MUC7: variants seen among roughly 807,000 people sequenced by gnomAD.
MUC7 encodes the protein mucin-7.
In MUC7, 2 loss-of-function variants were observed where a neutral mutation model predicts 2.5. The observed-to-expected ratio is 0.81, with a 90% CI of 0.33 to 2.55. The LOEUF (loss-of-function observed/expected upper bound fraction) is 2.55, where lower values mean the gene tolerates loss of function less well. Among genes scored for constraint, MUC7 ranks in the 30% most tolerant of loss-of-function variants. The pLI is 0.11. For synonymous variants in MUC7, 133 were observed against 173.4 expected, an observed-to-expected ratio of 0.77 and a Z score of 1.83; for missense variants, 408 against 455.6, an observed-to-expected ratio of 0.90 and a Z score of 0.95.
intron 1 of MUC7, among the ~76,000 whole-genome samples, chr4:70,456,580 AC>A (rs1164400727): frequency 6.6e-6 from 1 of 152,094 alleles, no homozygotes; most frequent in African/African-American, 2.4e-5. Flanking sequence ...ACTGCCACAC[AC>A]TTTTAAACCA....
In MUC7 at chr4:70,482,113, T is replaced by G; in HGVS notation, c.*235T>G. The stretch of plus-strand genomic sequence containing the variant: ...GGGTTCAAAATAACTCTTTGGATCC[T>G]ACAGAGATAGCCTACTGAGGGCAAA... On this transcript the variant is annotated 3_prime_UTR_variant, in exon 3 of 3. Transcript: ENST00000304887. 1.2e-5 allele frequency: 6 copies of G among 518,440 alleles called. No homozygotes were observed. Among genetic ancestry groups the G allele is most frequent in the Admixed American group, 3.5e-5 (1 of 28,982 alleles). 32.1% of individuals were successfully genotyped at this position (518,440 alleles called of 1,614,324 possible). A position where few individuals can be genotyped will look rare whatever the true frequency, so the allele number is the denominator to read the frequency against.
rs766095827 is a variant in MUC7 at position 70,481,758 on chromosome 4, T to C, written c.1014T>C (p.Thr338=). ...CACACCAGACTACTACTTCGGTCAC[T>C]ACTCAAACTACTACTACTAAACAAC... The part of the protein sequence containing the change: ...APTHQTTTSV[T]TQTTTTKQPT... Residue 338 remains threonine, a synonymous_variant, in exon 3 of 3, where the codon ACT becomes ACC. Transcript: ENST00000304887. 2.5e-6 allele frequency: 4 copies of C among 1,614,120 alleles called. No individual in the cohort carries two copies. Among genetic ancestry groups the C allele is most frequent in the Non-Finnish European group, 2.5e-6 (3 of 1,180,046 alleles).
At chr4:70,461,938 A>G (rs770360628) in intron 1 of MUC7, among the ~76,000 whole-genome samples, 14 of 152,380 alleles carry the variant, frequency 9.2e-5, no homozygotes, top group Non-Finnish European at 1.2e-4. Flanking sequence ...TGGGCCGACC[A>G]TAGTGGCCCA....
At chr4:70,435,689 T>C (rs1733812454) in intron 1 of MUC7, among the ~76,000 whole-genome samples, 1 of 152,248 alleles carries the variant, frequency 6.6e-6, no homozygotes, top group Non-Finnish European at 1.5e-5. Context: ...TTGGGGCATT[T>C]AGCCCATTTA....
chr4:70,472,858 C>G (rs6843888), intron 1 of MUC7, among the ~76,000 whole-genome samples: 2,058 of 152,256 alleles, frequency 0.014, 48 homozygotes, highest in African/African-American at 0.047. Context: ...TTGACATGCA[C>G]ACTAATTACC....
chr4:70,477,494 C>G (rs972322902), intron 2 of MUC7, among the ~76,000 whole-genome samples: 1 of 152,174 alleles, frequency 6.6e-6, no homozygotes, highest in Non-Finnish European at 1.5e-5. Context: ...CCTCTTCCTT[C>G]CTCAGAGAAT....
In MUC7 at chr4:70,481,709, C is replaced by T. The variant is rs898473779; in HGVS notation, c.965C>T (p.Thr322Ile). The T allele has an allele frequency of 5.6e-6, 9 of 1,614,112 alleles. No individual in the cohort carries two copies. The African/African-American group carries it at 1.2e-4, about 22-fold the overall frequency. Residue 322 changes from threonine (T) to isoleucine (I), a missense_variant, in exon 3 of 3, where the codon ACT becomes ATT. This residue lies in a region of MUC7 where 175 missense variants were observed against 187.1 expected (regional missense o/e 0.94). Coordinates refer to ENST00000304887, the MANE Select transcript of MUC7 (RefSeq NM_152291.3). The part of the protein sequence containing the change: ...NSSPTTLAPD[T>I]SETSAAPTHQ... ...TCCCCAACTACTCTTGCACCTGACA[C>T]TTCTGAAACTTCAGCTGCACCCACA...
Position 70,482,077 on chromosome 4 carries a change from A to ACC in MUC7, c.*199_*200insCC. ...AAAATGCCTCTATCCCACAAGCCAG[A>ACC]TGCAGGTCTGGGGTTCAAAATAACT... On this transcript the variant is annotated 3_prime_UTR_variant, in exon 3 of 3. Transcript: ENST00000304887. The ACC allele has an allele frequency of 1.5e-6, 1 of 664,998 alleles. No homozygotes were observed. The allele number at this position is 664,998 out of a possible 1,614,324, so 41.2% of individuals were successfully genotyped here.
At chr4:70,472,142 A>G (rs376098105), upstream of MUC7, 34 of 152,294 alleles carry the variant, frequency 2.2e-4, no homozygotes, top group East Asian at 4.6e-3. Context: ...TAGATTTCCT[A>G]TTTCCAAAAA....
intron 1 of MUC7, among the ~76,000 whole-genome samples, chr4:70,459,912 A>G (rs1348027911): frequency 6.6e-6 from 1 of 152,218 alleles, no homozygotes; most frequent in Non-Finnish European, 1.5e-5. Context: ...CTTTATTTGC[A>G]TTTTAGCTAA....
chr4:70,467,354 A>C (rs576018939), upstream of MUC7, among the ~76,000 whole-genome samples: 1 of 152,312 alleles, frequency 6.6e-6, no homozygotes, highest in South Asian at 2.1e-4. Context: ...AAAGAACTAG[A>C]GAAACAAGAG....
chr4:70,477,133 G>C (rs1466659146), intron 2 of MUC7, among the ~76,000 whole-genome samples: 2 of 152,130 alleles, frequency 1.3e-5, no homozygotes, highest in African/African-American at 4.8e-5. Context: ...TCTTGGGCCG[G>C]GTGCCGTGGC....
At chr4:70,430,981 A>G (rs1733646646) in intron 1 of MUC7, among the ~76,000 whole-genome samples, 1 of 152,166 alleles carries the variant, frequency 6.6e-6, no homozygotes, top group Non-Finnish European at 1.5e-5. Flanking sequence ...ATAATTTTTT[A>G]ACATTAGTGA....
At chr4:70,466,246 G>A (rs1035986255) in intron 1 of MUC7, among the ~76,000 whole-genome samples, 8 of 152,084 alleles carry the variant, frequency 5.3e-5, no homozygotes, top group African/African-American at 1.7e-4. Context: ...CCCTATAAGA[G>A]CTCCTGAAGG....
intron 1 of MUC7, among the ~76,000 whole-genome samples, chr4:70,438,815 G>A (rs1733928760): frequency 6.6e-6 from 1 of 152,080 alleles, no homozygotes; most frequent in African/African-American, 2.4e-5. Flanking sequence ...CTAGATATAA[G>A]AATCTAAATG....
chr4:70,432,113 T>C (rs1310374567), intron 1 of MUC7, among the ~76,000 whole-genome samples: 3 of 152,238 alleles, frequency 2.0e-5, no homozygotes, highest in African/African-American at 7.2e-5. Flanking sequence ...TTCCATGGTG[T>C]ATATGTGCCA....
chr4:70,474,344 C>CACA (rs772810517), intron 2 of MUC7, among the ~76,000 whole-genome samples: 2 of 151,890 alleles, frequency 1.3e-5, no homozygotes, highest in Non-Finnish European at 2.9e-5. Context: ...ACAGTATCTC[C>CACA]ACAACAACAA....
chr4:70,473,467 A>G (rs1186575400), intron 1 of MUC7, among the ~76,000 whole-genome samples: 1 of 151,988 alleles, frequency 6.6e-6, no homozygotes. Context: ...AGGTACAAGA[A>G]AAAGGATTAT....
intron 1 of MUC7, among the ~76,000 whole-genome samples, chr4:70,458,786 C>T (rs1475624273): frequency 6.6e-6 from 1 of 151,980 alleles, no homozygotes; most frequent in Non-Finnish European, 1.5e-5. Flanking sequence ...AATACAACTG[C>T]ATGCTATTTG....
Sources: allele counts gnomAD v4.1 joint callset (sites outside exome capture counted in the v4.1 genomes callset), GRCh38; gene constraint gnomAD v4.1.1; regional missense constraint gnomAD v4.1.1; transcripts MANE v1.5; gene names NCBI Gene and HGNC (gene_info 2026-07-23, HGNC 2026-07-21).